Variants in TMEFF2 observed in about 807,000 individuals in gnomAD.
TMEFF2 encodes the protein transmembrane protein with EGF like and two follistatin like domains 2.
Under a neutral mutation model 53.8 loss-of-function variants are expected in TMEFF2, and 28 were observed. The observed-to-expected ratio is 0.52, with a 90% confidence interval of 0.39 to 0.71. The LOEUF is 0.71. TMEFF2 is among the 30% of genes least tolerant of loss of function. TMEFF2 has a pLI of 0.00. For missense variants in TMEFF2, 353 were observed against 455.2 expected (o/e 0.78, Z 2.04); for synonymous variants, 162 against 166.3 (o/e 0.97, Z 0.20).
chr2:192,019,091 GTAAA>G (rs1282378507), intron 5 of TMEFF2, among the ~76,000 whole-genome samples: 3 of 151,892 alleles, frequency 2.0e-5, no homozygotes, highest in African/African-American at 4.8e-5. Context: ...ATAAATAAAA[GTAAA>G]TAAATAGTTG....
chr2:192,075,996 A>G (rs1688423677), intron 4 of TMEFF2, among the ~76,000 whole-genome samples: 2 of 151,960 alleles, frequency 1.3e-5, no homozygotes, highest in Non-Finnish European at 2.9e-5. Context: ...AAAGAAGGAA[A>G]GAAGTAAAAG....
chr2:192,091,131 G>A (rs774094277), intron 4 of TMEFF2, among the ~76,000 whole-genome samples: 17 of 152,206 alleles, frequency 1.1e-4, no homozygotes, highest in Admixed American at 2.0e-4. Context: ...GTAGTATCAC[G>A]TCTGCTGCCA....
intron 5 of TMEFF2, among the ~76,000 whole-genome samples, chr2:192,020,369 C>T (rs1294852633): frequency 1.3e-5 from 2 of 151,990 alleles, no homozygotes; most frequent in East Asian, 3.9e-4. Flanking sequence ...ATTAAAATGT[C>T]GTTATTTCAT....
At chr2:191,996,212 GAATAACTTTATAA>G (rs563372599) in intron 7 of TMEFF2, among the ~76,000 whole-genome samples, 51 of 151,920 alleles carry the variant, frequency 3.4e-4, no homozygotes, top group Non-Finnish European at 6.0e-4. Flanking sequence ...ATATTTATTG[GAATAACTTTATAA>G]ATGCATATAT....
At chr2:191,999,316 A>G in intron 5 of TMEFF2, 108 bp from the exon 6 acceptor site, 1 of 950,276 alleles carries the variant, frequency 1.1e-6, no homozygotes, top group Non-Finnish European at 1.5e-6. Flanking sequence ...CAAGTTGGCA[A>G]AATTGAATTG....
chr2:192,114,560 G>T (rs1258384073), intron 4 of TMEFF2, among the ~76,000 whole-genome samples: 1 of 151,316 alleles, frequency 6.6e-6, no homozygotes, highest in Non-Finnish European at 1.5e-5. Context: ...TAACTCTAAA[G>T]AATTCACCAA....
intron 5 of TMEFF2, among the ~76,000 whole-genome samples, chr2:192,033,416 G>A (rs1362462078): frequency 6.6e-6 from 1 of 151,930 alleles, no homozygotes; most frequent in Non-Finnish European, 1.5e-5. Context: ...TTTGCATAAG[G>A]CCACACAGCA....
At chr2:191,994,434 CT>C (rs1312971767) in intron 7 of TMEFF2, among the ~76,000 whole-genome samples, 222 of 143,842 alleles carry the variant, frequency 1.5e-3, no homozygotes, top group Admixed American at 4.1e-3. Context: ...AAAATATAGC[CT>C]TTTTTTTTTT....
chr2:191,956,341 G>A lies in TMEFF2; in HGVS notation c.783C>T (p.His261=). ...ANKLEESARE[H]HIPCPEHYNG... Reference sequence around the variant, plus strand: ...TGTAATGTTCCGGACAAGGTATGTGGTGTTCTCTGGCACTTTCTTCTAATT... The same window carrying A: ...TGTAATGTTCCGGACAAGGTATGTGATGTTCTCTGGCACTTTCTTCTAATT... Residue 261 remains histidine (H), a synonymous_variant, in exon 8 of 10, where the codon CAC becomes CAT. Transcript: ENST00000272771. The A allele has an allele frequency of 1.9e-6, 3 of 1,613,948 alleles. No individual in the cohort carries two copies. The highest frequency in any genetic ancestry group is 3.3e-5 in the Admixed American group (2 of 59,980).
intron 6 of TMEFF2, among the ~76,000 whole-genome samples, chr2:191,998,816 G>T (rs1686285838): frequency 6.6e-6 from 1 of 151,598 alleles, no homozygotes; most frequent in African/African-American, 2.4e-5. Context: ...GTGAATATTG[G>T]CTTCTGTGTT....
chr2:191,983,259 C>G (rs1313325396), intron 7 of TMEFF2, among the ~76,000 whole-genome samples: 1 of 152,148 alleles, frequency 6.6e-6, no homozygotes, highest in Non-Finnish European at 1.5e-5. Context: ...TGACACTTCT[C>G]TAAAGGCAGA....
chr2:192,186,599 C>A (rs1179395788), intron 2 of TMEFF2, among the ~76,000 whole-genome samples: 2 of 152,120 alleles, frequency 1.3e-5, no homozygotes, highest in African/African-American at 4.8e-5. Flanking sequence ...CTTGCCGATC[C>A]TTTCAGTAGA....
intron 4 of TMEFF2, among the ~76,000 whole-genome samples, chr2:192,132,660 A>G (rs1308297258): frequency 6.6e-6 from 1 of 152,122 alleles, no homozygotes; most frequent in Non-Finnish European, 1.5e-5. Context: ...TGCAGCGGCC[A>G]GGCGTTCCTC....
At chr2:192,137,959 T>C (rs1690050776) in intron 4 of TMEFF2, among the ~76,000 whole-genome samples, 1 of 151,834 alleles carries the variant, frequency 6.6e-6, no homozygotes. Flanking sequence ...CCTGGGATTA[T>C]AGGCATGCGC....
intron 7 of TMEFF2, among the ~76,000 whole-genome samples, chr2:191,964,227 T>C (rs1462216708): frequency 5.3e-5 from 3 of 56,398 alleles, no homozygotes; most frequent in African/African-American, 2.1e-4. Flanking sequence ...TGTCTGTCTT[T>C]CTTTCCTTCC....
chr2:192,060,782 A>G (rs568483125), intron 4 of TMEFF2, among the ~76,000 whole-genome samples: 2 of 152,340 alleles, frequency 1.3e-5, no homozygotes, highest in African/African-American at 4.8e-5. Context: ...CATTTATCTT[A>G]AAGTATTATC....
chr2:192,058,640 GT>G (rs1687971478), intron 4 of TMEFF2, among the ~76,000 whole-genome samples: 1 of 152,036 alleles, frequency 6.6e-6, no homozygotes, highest in Non-Finnish European at 1.5e-5. Flanking sequence ...TGAATTACCT[GT>G]TTTCCCAGTT....
At chr2:192,145,321 A>G (rs1690223577) in intron 4 of TMEFF2, among the ~76,000 whole-genome samples, 1 of 151,986 alleles carries the variant, frequency 6.6e-6, no homozygotes, top group Non-Finnish European at 1.5e-5. Context: ...TCTTCATTGT[A>G]TATAAGAACT....
At chr2:192,015,106 G>T (rs765788370) in intron 5 of TMEFF2, among the ~76,000 whole-genome samples, 4 of 152,092 alleles carry the variant, frequency 2.6e-5, no homozygotes, top group Admixed American at 6.6e-5. Flanking sequence ...CACATGTTCT[G>T]CCTGGGGAGA....
Sources: gnomAD v4.1 joint callset for allele counts (sites outside exome capture counted in the v4.1 genomes callset) on GRCh38, gnomAD v4.1.1 for gene constraint, MANE v1.5 for transcripts, NCBI Gene and HGNC (gene_info 2026-07-23, HGNC 2026-07-21) for gene names.